ATP11A: variants seen among roughly 807,000 people sequenced by gnomAD.
ATP11A encodes the protein ATPase phospholipid transporting 11A, also known as phospholipid-transporting ATPase IH.
In ATP11A, 81 loss-of-function variants were observed where a neutral mutation model predicts 154.4. That is an observed-to-expected ratio of 0.52 (90% CI 0.44 to 0.63). The LOEUF (loss-of-function observed/expected upper bound fraction) is 0.63, where lower values mean the gene tolerates loss of function less well. ATP11A is among the 30% of genes least tolerant of loss of function. The pLI is 0.00. For missense variants in ATP11A, 1,316 were observed against 1,474.3 expected (o/e 0.89, Z 1.76); for synonymous variants, 623 against 585.9 (o/e 1.06, Z -0.91).
chr13:112,783,470 G>T (rs2077547403), intron 1 of ATP11A, among the ~76,000 whole-genome samples: 1 of 152,258 alleles, frequency 6.6e-6, no homozygotes. Context: ...CCTCATGGGT[G>T]AGAAGCTCAG....
rs1312076409 is a variant in ATP11A, at chr13:112,886,168, C to G, written c.*4302C>G. ...TGAGCAGACAGGGCGAACAAGCAGG[C>G]CACACCGTCTCGAGGGAGGAGGCCA... On this transcript the variant is annotated 3_prime_UTR_variant, in exon 30 of 30. Transcript: ENST00000375645. 5 of 152,268 alleles carry G rather than the reference C, an allele frequency of 3.3e-5. No homozygotes were observed. Among genetic ancestry groups the G allele is most frequent in the Admixed American group, 3.3e-4 (5 of 15,286 alleles). The allele number at this position is 152,268 out of a possible 1,614,324, so 9.4% of individuals were successfully genotyped here. A position where few individuals can be genotyped will look rare whatever the true frequency, so the allele number is the denominator to read the frequency against.
intron 25 of ATP11A, among the ~76,000 whole-genome samples, chr13:112,863,512 C>T (rs1161761651): frequency 1.3e-5 from 2 of 150,608 alleles, no homozygotes; most frequent in South Asian, 2.1e-4. Flanking sequence ...TCCATCACCA[C>T]GTGCGCAATA....
intron 8 of ATP11A, among the ~76,000 whole-genome samples, chr13:112,820,210 G>A (rs564659960): frequency 6.7e-4 from 102 of 152,350 alleles, no homozygotes; most frequent in African/African-American, 2.3e-3. Flanking sequence ...CAGGCCAGGA[G>A]GCGTCAGGGT....
Position 112,690,127 on chromosome 13 carries a change from G to A in ATP11A, c.-290G>A, listed in dbSNP as rs1325258500. On this transcript the variant is annotated 5_prime_UTR_variant, in exon 1 of 30. Coordinates refer to ENST00000375645, the MANE Select transcript of ATP11A (RefSeq NM_015205.3). This position sits in a 1 kb window ranked among gnomAD's most constrained non-coding sequence, Gnocchi z 5.6. ...GGGTGCTCCAGCCGAGCCCAACCGA[G>A]CGGGCGGACCGACGGGGAGAGAGAA... 6.7e-6 allele frequency among the ~76,000 whole-genome samples: 1 copy of A among 148,424 alleles called. No individual in the cohort carries two copies. Among genetic ancestry groups the A allele is most frequent in the Admixed American group, 6.7e-5 (1 of 14,962 alleles).
At position 112,832,885 on chromosome 13, in the gene ATP11A, C is replaced by T. The variant is rs1341088036; in HGVS notation, c.1421C>T (p.Ala474Val). ...GAGCGCGAGGAGCTGTTTTTCCGGGCCCTCTGTCTCTGCCACACCGTCCAG... is the reference window on the plus strand; with the variant it reads ...GAGCGCGAGGAGCTGTTTTTCCGGGTCCTCTGTCTCTGCCACACCGTCCAG... The part of the protein sequence containing the change: ...GREREELFFR[A>V]LCLCHTVQVK... Residue 474 changes from alanine to valine, a missense_variant, in exon 14 of 30, where the codon GCC (alanine) becomes GTC (valine). This residue lies in a region of ATP11A where 876 missense variants were observed against 1,006.8 expected (regional missense o/e 0.87). Coordinates refer to ENST00000375645, the MANE Select transcript of ATP11A (RefSeq NM_015205.3). The T allele has an allele frequency of 1.7e-5, 27 of 1,613,576 alleles. No homozygotes were observed. The highest frequency in any genetic ancestry group is 1.9e-5 in the Non-Finnish European group (22 of 1,179,750).
At chr13:112,864,798 G>T (rs1389105849) in intron 25 of ATP11A, among the ~76,000 whole-genome samples, 1 of 77,938 alleles carries the variant, frequency 1.3e-5, no homozygotes, top group African/African-American at 6.3e-5. Context: ...TCTCAGCGGG[G>T]TCCATCACCA....
intron 27 of ATP11A, among the ~76,000 whole-genome samples, chr13:112,874,054 TGGTAACC>T: frequency 6.6e-6 from 1 of 152,350 alleles, no homozygotes; most frequent in Non-Finnish European, 1.5e-5. Flanking sequence ...AAGTCCCAGC[TGGTAACC>T]GCCTCCCACA....
At chr13:112,720,527 G>A (rs1889028851) in intron 1 of ATP11A, among the ~76,000 whole-genome samples, 1 of 152,152 alleles carries the variant, frequency 6.6e-6, no homozygotes. Context: ...GCTTTATCAC[G>A]CAGATGAAGC....
At chr13:112,793,450 G>A (rs867188130) in intron 2 of ATP11A, among the ~76,000 whole-genome samples, 11 of 152,200 alleles carry the variant, frequency 7.2e-5, no homozygotes, top group African/African-American at 1.2e-4. Context: ...TGATTCACCC[G>A]CCTCGGCCTC....
chr13:112,805,132 T>C, intron 3 of ATP11A, 86 bp downstream of exon 3: 2 of 977,310 alleles, frequency 2.0e-6, no homozygotes, highest in South Asian at 1.7e-5. Flanking sequence ...ACACGGCTAA[T>C]GAAAGAGCAA....
chr13:112,694,125 A>T (rs1885515724), intron 1 of ATP11A, among the ~76,000 whole-genome samples: 1 of 152,202 alleles, frequency 6.6e-6, no homozygotes, highest in African/African-American at 2.4e-5. Context: ...AGTGGCCTGA[A>T]TGCTGAGTGG....
chr13:112,816,646 C>T (rs1000265801), intron 6 of ATP11A, among the ~76,000 whole-genome samples: 10 of 152,144 alleles, frequency 6.6e-5, no homozygotes, highest in South Asian at 2.1e-4. Flanking sequence ...CGCTCTTGTC[C>T]GCTCTAGTCC....
rs1337415533 is a variant in ATP11A, at chr13:112,806,197, T to C, written c.253-16T>C. On this transcript the variant is annotated splice_polypyrimidine_tract_variant and intron_variant, in intron 3 of 29. Transcript: ENST00000375645. ...TGTGTTTTTGAAGATGATTTTACAA[T>C]TCTCTCTTTCTGCAGTTGATTATTG... 6.2e-7 allele frequency: 1 copy of C among 1,601,440 alleles called. No homozygotes were observed. Among genetic ancestry groups the C allele is most frequent in the South Asian group, 1.1e-5 (1 of 89,962 alleles).
At chr13:112,874,514 C>A (rs1362854396) in intron 27 of ATP11A, among the ~76,000 whole-genome samples, 1 of 152,204 alleles carries the variant, frequency 6.6e-6, no homozygotes, top group African/African-American at 2.4e-5. Flanking sequence ...GGCCCAGGGC[C>A]AGGTCCCAGT....
intron 1 of ATP11A, among the ~76,000 whole-genome samples, chr13:112,711,445 A>G (rs1231345190): frequency 1.3e-5 from 2 of 152,110 alleles, no homozygotes; most frequent in Non-Finnish European, 2.9e-5. Flanking sequence ...TGTCTCTGAT[A>G]CATACGTAAA....
Position 112,785,024 on chromosome 13 carries a change from C to G in ATP11A, c.40-111C>G. 7.7e-7 allele frequency: 1 copy of G among 1,292,080 alleles called. No individual in the cohort carries two copies. Among genetic ancestry groups the G allele is most frequent in the East Asian group, 2.9e-5 (1 of 34,648 alleles). The allele number at this position is 1,292,080 out of a possible 1,614,324, so 80.0% of individuals were successfully genotyped here. Reference sequence around the variant, plus strand: ...CTGCAGCCCTGAACGATGCTCTCAGCAGCAGGTACAGGTCTCCGTTCCGAC... The same window carrying G: ...CTGCAGCCCTGAACGATGCTCTCAGGAGCAGGTACAGGTCTCCGTTCCGAC... On this transcript the variant is annotated intron_variant, in intron 1 of 29. Transcript: ENST00000375645. The surrounding 1 kb of genome is among the most constrained non-coding windows in gnomAD (Gnocchi z 4.8).
rs764345938 is a variant in ATP11A at position 112,881,858 on chromosome 13, C to T, written c.*10-18C>T. The T allele has an allele frequency of 7.3e-7, 1 of 1,367,762 alleles. No individual in the cohort carries two copies. The highest frequency in any genetic ancestry group is 1.1e-5 in the South Asian group (1 of 88,048). 84.7% of individuals were successfully genotyped at this position (1,367,762 alleles called of 1,614,324 possible). On this transcript the variant is annotated intron_variant, in intron 29 of 29. Coordinates refer to ENST00000375645, the MANE Select transcript of ATP11A (RefSeq NM_015205.3). Reference sequence around the variant, plus strand: ...TCGGGACCGCGACTCAGAATTCACCCCTCTTGCCTCTCTGCAGAGCCCAGG... The same window carrying T: ...TCGGGACCGCGACTCAGAATTCACCTCTCTTGCCTCTCTGCAGAGCCCAGG...
At chr13:112,803,744 CCTTCTCTCATTCCCCTCCTTCCCTCCTT>C (rs2078204487) in intron 2 of ATP11A, among the ~76,000 whole-genome samples, 439 of 130,044 alleles carry the variant, frequency 3.4e-3, no homozygotes, top group African/African-American at 8.4e-3. Flanking sequence ...TCCTTCCCCT[CCTTCTCTCATTCCCCTCCTTCCCTCCTT>C]CCTCTCCCTC....
chr13:112,792,961 C>T (rs2077899737), intron 2 of ATP11A, among the ~76,000 whole-genome samples: 2 of 152,196 alleles, frequency 1.3e-5, no homozygotes, highest in Non-Finnish European at 1.5e-5. Flanking sequence ...AGAAAAAATT[C>T]CCTCTGCAAT....
Sources: allele counts gnomAD v4.1 joint callset (sites outside exome capture counted in the v4.1 genomes callset), GRCh38; gene constraint gnomAD v4.1.1; regional missense constraint gnomAD v4.1.1; non-coding constraint Gnocchi (gnomAD v3.1); transcripts MANE v1.5; gene names NCBI Gene and HGNC (gene_info 2026-07-23, HGNC 2026-07-21).